The following TENM3 variants were observed in gnomAD, a reference collection of about 807,000 sequenced individuals.
The protein encoded by TENM3 is teneurin transmembrane protein 3, also known as teneurin-3.
A neutral mutation model predicts 255.1 loss-of-function variants in TENM3; 63 were observed. That is an observed-to-expected ratio of 0.25 (90% CI 0.20 to 0.30). The LOEUF is 0.30. Ranked by LOEUF, TENM3 falls within the 10% of genes least tolerant of loss-of-function variation. The pLI is 1.00. For missense variants in TENM3, 2,929 were observed against 3,461.1 expected (o/e 0.85, Z 3.86); for synonymous variants, 1,306 against 1,322.3 (o/e 0.99, Z 0.27).
intron 3 of TENM3, among the ~76,000 whole-genome samples, chr4:182,477,344 C>T (rs976261467): frequency 2.6e-5 from 4 of 151,670 alleles, no homozygotes; most frequent in African/African-American, 7.3e-5. Flanking sequence ...CACTGTCTTC[C>T]GTCTTTTGCC....
chr4:182,038,792 G>A, the TENM3 span, among the ~76,000 whole-genome samples: 2 of 152,110 alleles, frequency 1.3e-5, no homozygotes, highest in South Asian at 2.1e-4. Flanking sequence ...GGAATGCAGT[G>A]GCGCAATCTT....
At chr4:181,592,787 T>C in the TENM3 span, among the ~76,000 whole-genome samples, 2 of 152,190 alleles carry the variant, frequency 1.3e-5, no homozygotes, top group African/African-American at 4.8e-5. Flanking sequence ...AGCCTTTCAA[T>C]TTCTCAGCAG....
the TENM3 span, among the ~76,000 whole-genome samples, chr4:181,609,533 A>C: frequency 6.6e-6 from 1 of 152,208 alleles, no homozygotes; most frequent in African/African-American, 2.4e-5. Flanking sequence ...CATGAGCCTG[A>C]TTCAATTTCC....
the TENM3 span, among the ~76,000 whole-genome samples, chr4:181,652,079 A>G: frequency 6.6e-6 from 1 of 150,428 alleles, no homozygotes; most frequent in Non-Finnish European, 1.5e-5. Context: ...GTTCTGTCAA[A>G]TTGTTTCTCT....
At chr4:181,513,292 T>A in the TENM3 span, among the ~76,000 whole-genome samples, 2 of 152,178 alleles carry the variant, frequency 1.3e-5, no homozygotes, top group Non-Finnish European at 2.9e-5. Flanking sequence ...AATATTCACA[T>A]GCAAGGGAAA....
intron 1 of TENM3, among the ~76,000 whole-genome samples, chr4:182,290,577 A>G (rs1761053096): frequency 6.6e-6 from 1 of 151,152 alleles, no homozygotes; most frequent in Non-Finnish European, 1.5e-5. Flanking sequence ...ATCTCTGCTC[A>G]CTGCAATCTC....
chr4:182,723,214 T>C (rs1203453686), intron 13 of TENM3, among the ~76,000 whole-genome samples: 1 of 152,202 alleles, frequency 6.6e-6, no homozygotes, highest in Non-Finnish European at 1.5e-5. Flanking sequence ...AGCACTGATG[T>C]AGACAACCAA....
At chr4:182,261,525 T>G (rs908458240) in intron 1 of TENM3, among the ~76,000 whole-genome samples, 1 of 152,204 alleles carries the variant, frequency 6.6e-6, no homozygotes, top group Admixed American at 6.5e-5. Flanking sequence ...TGACTTAACT[T>G]CAGACTTTTA....
intron 5 of TENM3, among the ~76,000 whole-genome samples, chr4:182,640,576 A>G (rs1437381831): frequency 6.6e-6 from 1 of 152,134 alleles, no homozygotes; most frequent in Non-Finnish European, 1.5e-5. Flanking sequence ...TACTTCTTCA[A>G]ATACATTCTT....
Position 182,777,746 on chromosome 4 carries a change from C to T in TENM3, c.5304+2593C>T, listed in dbSNP as rs1003726407. On this transcript the variant is annotated intron_variant, in intron 24 of 27. Transcript: ENST00000511685. ...CTAATTTTTGTATTTTTAGTAGAGA[C>T]GGAGTTTTACCATGTTGGCCAGGCT... is the stretch of plus-strand genomic sequence containing the variant. 5.4e-5 allele frequency among the ~76,000 whole-genome samples: 8 copies of T among 149,480 alleles called. No individual in the cohort carries two copies. The East Asian group carries it at 7.9e-4, about 15-fold the overall frequency.
chr4:181,534,904 C>A, the TENM3 span, among the ~76,000 whole-genome samples: 1 of 152,168 alleles, frequency 6.6e-6, no homozygotes, highest in African/African-American at 2.4e-5. Flanking sequence ...TCCCTCCTCT[C>A]TTCTCCAGGC....
At chr4:182,368,859 G>T (rs939429454) in intron 3 of TENM3, among the ~76,000 whole-genome samples, 19 of 152,210 alleles carry the variant, frequency 1.2e-4, no homozygotes, top group Admixed American at 1.1e-3. Flanking sequence ...AGAAGCATCA[G>T]AGAGGAGAGA....
chr4:181,639,716 G>A, the TENM3 span, among the ~76,000 whole-genome samples: 1 of 152,156 alleles, frequency 6.6e-6, no homozygotes, highest in Non-Finnish European at 1.5e-5. Context: ...CTCCAGCCTG[G>A]GGGACAAGAG....
the TENM3 span, among the ~76,000 whole-genome samples, chr4:181,643,613 C>T: frequency 1.6e-5 from 2 of 122,072 alleles, no homozygotes; most frequent in Admixed American, 8.6e-5. Context: ...TGGAGCAGAG[C>T]TGCACAGACA....
chr4:181,619,798 C>G, the TENM3 span, among the ~76,000 whole-genome samples: 2 of 151,998 alleles, frequency 1.3e-5, no homozygotes, highest in South Asian at 2.1e-4. Context: ...AATTGATGGG[C>G]CATCAGAGTC....
At chr4:181,493,440 T>C in the TENM3 span, among the ~76,000 whole-genome samples, 10 of 152,016 alleles carry the variant, frequency 6.6e-5, no homozygotes, top group African/African-American at 2.4e-4. Context: ...TTTAAGGTTA[T>C]AGAGGTACGA....
chr4:181,551,473 T>C, the TENM3 span, among the ~76,000 whole-genome samples: 1 of 152,302 alleles, frequency 6.6e-6, no homozygotes, highest in African/African-American at 2.4e-5. Context: ...ACACTAATAA[T>C]ACACTATGAA....
intron 11 of TENM3, among the ~76,000 whole-genome samples, chr4:182,683,315 CCAT>C (rs1218133106): frequency 6.6e-6 from 1 of 152,130 alleles, no homozygotes; most frequent in Non-Finnish European, 1.5e-5. Flanking sequence ...GCTTCCACCA[CCAT>C]CATCACTACC....
the TENM3 span, among the ~76,000 whole-genome samples, chr4:182,062,885 A>G: frequency 2.0e-5 from 3 of 151,364 alleles, no homozygotes; most frequent in African/African-American, 7.4e-5. Flanking sequence ...AAAAATGAAG[A>G]AAGGTTTTTA....
Sources: gnomAD v4.1 joint callset for allele counts (sites outside exome capture counted in the v4.1 genomes callset) on GRCh38, gnomAD v4.1.1 for gene constraint, MANE v1.5 for transcripts, NCBI Gene and HGNC (gene_info 2026-07-23, HGNC 2026-07-21) for gene names.